Variants in EMSY observed in about 807,000 individuals in gnomAD.
The protein encoded by EMSY is BRCA2-interacting transcriptional repressor EMSY.
EMSY carries 26 observed loss-of-function variants against 134.6 expected under a neutral mutation model. That is an observed-to-expected ratio of 0.19 (90% CI 0.14 to 0.27). The LOEUF (loss-of-function observed/expected upper bound fraction) is 0.27. Ranked by LOEUF, EMSY falls within the 10% of genes least tolerant of loss-of-function variation. The probability of loss-of-function intolerance (pLI) is 1.00; values close to 1 mark genes in which losing one functional copy is unlikely to be tolerated. For missense variants in EMSY, 1,305 were observed against 1,611.4 expected (o/e 0.81, Z 3.26); for synonymous variants, 579 against 577.8 (o/e 1.00, Z -0.03).
intron 16 of EMSY, among the ~76,000 whole-genome samples, chr11:76,538,565 A>G (rs1463341002): frequency 6.6e-6 from 1 of 152,166 alleles, no homozygotes; most frequent in Non-Finnish European, 1.5e-5. Flanking sequence ...CTGGCCTAGA[A>G]TAAGTATTTT....
intron 8 of EMSY, among the ~76,000 whole-genome samples, chr11:76,493,568 G>A (rs1029706854): frequency 6.6e-6 from 1 of 152,088 alleles, no homozygotes; most frequent in Non-Finnish European, 1.5e-5. Context: ...CTGAACCCAT[G>A]AAAACCCCTG....
At chr11:76,455,877 T>C (rs1005737650) in intron 4 of EMSY, among the ~76,000 whole-genome samples, 2 of 152,158 alleles carry the variant, frequency 1.3e-5, no homozygotes, top group Admixed American at 6.5e-5. Flanking sequence ...CAGGAGAAAG[T>C]GTCTATCTGG....
At chr11:76,547,067 G>GT (rs1156748293) in intron 20 of EMSY, 3 of 455,204 alleles carry the variant, frequency 6.6e-6, no homozygotes, top group Non-Finnish European at 1.3e-5. Context: ...CTACCCCTTA[G>GT]AAGTTGTATT....
chr11:76,546,230 A>G, exon 20 of EMSY: 1 of 1,614,182 alleles, frequency 6.2e-7, no homozygotes, highest in Non-Finnish European at 8.5e-7. Context: ...GCGACAGGCC[A>G]GTTCATGCGT....
intron 7 of EMSY, among the ~76,000 whole-genome samples, chr11:76,470,526 C>G (rs1439459268): frequency 6.6e-6 from 1 of 152,094 alleles, no homozygotes; most frequent in African/African-American, 2.4e-5. Flanking sequence ...ATCCTATTCT[C>G]TCTACTTTTC....
chr11:76,485,349 C>T (rs1010172664), intron 8 of EMSY, among the ~76,000 whole-genome samples: 20 of 152,280 alleles, frequency 1.3e-4, no homozygotes, highest in African/African-American at 3.8e-4. Context: ...TTATCCACCA[C>T]GATCAAACTG....
chr11:76,539,915 A>G (rs768125710), intron 17 of EMSY, among the ~76,000 whole-genome samples: 2 of 152,160 alleles, frequency 1.3e-5, no homozygotes, highest in Non-Finnish European at 2.9e-5. Flanking sequence ...CTATTTTCCA[A>G]GGGTTTATTC....
chr11:76,454,737 T>C lies in EMSY; in HGVS notation c.245+1349T>C. The stretch of plus-strand genomic sequence containing the variant: ...TTTATTTAGTCTCCTTTTCCTTTTT[T>C]CCCCTTTAAAGAATGAATTTATCCT... On this transcript the variant is annotated intron_variant, in intron 4 of 20. Coordinates refer to ENST00000334736, the Ensembl canonical transcript of EMSY. 1 of 1,446,864 alleles carries C rather than the reference T, an allele frequency of 6.9e-7. No individual in the cohort carries two copies. Among genetic ancestry groups the C allele is most frequent in the Non-Finnish European group, 9.3e-7 (1 of 1,073,798 alleles). The allele number at this position is 1,446,864 out of a possible 1,614,324, so 89.6% of individuals were successfully genotyped here. A position where few individuals can be genotyped will look rare whatever the true frequency, so the allele number is the denominator to read the frequency against.
At chr11:76,548,881 G>A (rs1184585546) in intron 20 of EMSY, among the ~76,000 whole-genome samples, 1 of 152,174 alleles carries the variant, frequency 6.6e-6, no homozygotes, top group Admixed American at 6.6e-5. Flanking sequence ...TGTTAAAAAT[G>A]TGTATTTATT....
At chr11:76,531,528 A>G (rs2136435951) in intron 14 of EMSY, among the ~76,000 whole-genome samples, 1 of 152,302 alleles carries the variant, frequency 6.6e-6, no homozygotes, top group Middle Eastern at 3.4e-3. Flanking sequence ...AGGATATTAT[A>G]TCCTCAGTTT....
At chr11:76,498,850 G>A (rs535704372) in intron 9 of EMSY, among the ~76,000 whole-genome samples, 2 of 152,232 alleles carry the variant, frequency 1.3e-5, no homozygotes, top group African/African-American at 2.4e-5. Context: ...TTCACATAGT[G>A]TATTTTTTTC....
chr11:76,523,342 A>C (rs756689343), intron 12 of EMSY, 51 bp downstream of exon 13: 2 of 1,570,130 alleles, frequency 1.3e-6, no homozygotes, highest in Non-Finnish European at 1.7e-6. Flanking sequence ...GGATTTAAAG[A>C]CCAGCTATAT....
At chr11:76,453,938 T>G (rs1430714285) in intron 4 of EMSY, 1 of 152,222 alleles carries the variant, frequency 6.6e-6, no homozygotes, top group East Asian at 1.9e-4. Context: ...CAAATTGTTT[T>G]CTGATCATTA....
chr11:76,522,352 CTTTTTTTTTTTT>C lies in EMSY; in HGVS notation c.1685-784_1685-773del, dbSNP rs71040003. On this transcript the variant is annotated intron_variant, in intron 11 of 20. Coordinates refer to ENST00000334736, the Ensembl canonical transcript of EMSY. ...CTTGTTTTGTATATCGTTTACTTTG[CTTTTTTTTTTTT>C]TTTTTTTTTTTTTTTTTTCTTGAGA... Among the ~76,000 whole-genome samples the C allele has an allele frequency of 2.0e-3, 88 of 44,244 alleles. No homozygotes were observed. In the East Asian group the frequency reaches 0.021, roughly 11 times the overall value. The allele number at this position is 44,244 out of a possible 152,430, so 29.0% of individuals were successfully genotyped here.
At chr11:76,499,478 G>A (rs532848330) in intron 9 of EMSY, among the ~76,000 whole-genome samples, 5 of 151,178 alleles carry the variant, frequency 3.3e-5, no homozygotes, top group African/African-American at 1.2e-4. Context: ...TAGTAGAGAC[G>A]GGGTTTCACC....
intron 8 of EMSY, among the ~76,000 whole-genome samples, chr11:76,475,185 C>T (rs552736925): frequency 2.6e-5 from 4 of 152,266 alleles, no homozygotes; most frequent in Admixed American, 1.3e-4. Flanking sequence ...ACTCCTCACT[C>T]GACTGATCCG....
intron 16 of EMSY, 134 bp downstream of exon 17, chr11:76,538,084 C>T: frequency 1.3e-6 from 1 of 754,732 alleles, no homozygotes; most frequent in South Asian, 2.7e-5. Context: ...CAAATTCACA[C>T]CATCCTTGGG....
intron 14 of EMSY, among the ~76,000 whole-genome samples, chr11:76,531,750 C>T (rs961408272): frequency 1.3e-5 from 2 of 152,064 alleles, no homozygotes; most frequent in South Asian, 2.1e-4. Flanking sequence ...GATGATTTTC[C>T]GAAGTTCATT....
At chr11:76,472,414 A>G in intron 7 of EMSY, 150 bp from the exon 9 acceptor site, 1 of 744,532 alleles carries the variant, frequency 1.3e-6, no homozygotes, top group Non-Finnish European at 2.1e-6. Context: ...AGTAAAGGAA[A>G]ATTTTAATAT....
Sources: allele counts gnomAD v4.1 joint callset (sites outside exome capture counted in the v4.1 genomes callset), GRCh38; gene constraint gnomAD v4.1.1; transcripts MANE v1.5; gene names NCBI Gene and HGNC (gene_info 2026-07-23, HGNC 2026-07-21).